Variants in CDC14A observed in about 807,000 individuals in gnomAD.
The protein encoded by CDC14A is dual specificity protein phosphatase CDC14A.
Under a neutral mutation model 74.4 loss-of-function variants are expected in CDC14A, and 53 were observed. The ratio of observed to expected loss-of-function variants is 0.71; its 90% CI spans 0.57 to 0.89. The LOEUF (loss-of-function observed/expected upper bound fraction) is 0.89, where lower values mean the gene tolerates loss of function less well. Among genes scored for constraint, CDC14A ranks in the 40% least tolerant of loss-of-function variants. The pLI, the probability that CDC14A is intolerant of heterozygous loss-of-function variation, is 0.00. For missense variants in CDC14A, 646 were observed against 713.7 expected (o/e 0.91, Z 1.08); for synonymous variants, 247 against 258.4 (o/e 0.96, Z 0.43).
chr1:100,422,400 A>C (rs1414944945), intron 4 of CDC14A, among the ~76,000 whole-genome samples: 1 of 152,220 alleles, frequency 6.6e-6, no homozygotes, highest in Non-Finnish European at 1.5e-5. Flanking sequence ...AGCTTTCTAC[A>C]AGCAGCCCTC....
At chr1:100,384,459 A>G (rs1343298950) in intron 3 of CDC14A, among the ~76,000 whole-genome samples, 1 of 152,184 alleles carries the variant, frequency 6.6e-6, no homozygotes, top group African/African-American at 2.4e-5. Flanking sequence ...AATGCATCCT[A>G]TACAGTTATT....
chr1:100,477,670 G>T (rs1341482984), intron 10 of CDC14A, among the ~76,000 whole-genome samples: 1 of 152,028 alleles, frequency 6.6e-6, no homozygotes, highest in Non-Finnish European at 1.5e-5. Context: ...TGAAGAGTAT[G>T]AAGTCAATGA....
At position 100,439,953 on chromosome 1, in the gene CDC14A, C is replaced by G. The variant is rs143873406; in HGVS notation, c.411C>G (p.Cys137Trp). Reference sequence around the variant, plus strand: ...ATAGGGATGCTTCCTTTGGAAATTGCACTTACAATCTCACCATTCTCGACT... The same window carrying G: ...ATAGGGATGCTTCCTTTGGAAATTGGACTTACAATCTCACCATTCTCGACT... Reference protein sequence around the residue: ...LPFRDASFGNCTYNLTILDCL... With the variant: ...LPFRDASFGNWTYNLTILDCL... Residue 137 changes from cysteine (C) to tryptophan (W), a missense_variant, in exon 6 of 16, where the codon TGC becomes TGG. By Grantham distance (215) the Cys-to-Trp change is radical. Transcript: ENST00000336454. 6.2e-6 allele frequency: 10 copies of G among 1,612,796 alleles called. No homozygotes were observed. The highest frequency in any genetic ancestry group is 1.7e-4 in the Middle Eastern group (1 of 6,020).
At chr1:100,430,088 A>G (rs1450644218) in intron 5 of CDC14A, among the ~76,000 whole-genome samples, 1 of 152,170 alleles carries the variant, frequency 6.6e-6, no homozygotes, top group Non-Finnish European at 1.5e-5. Flanking sequence ...TATCCAGCAG[A>G]ACTCCTGTTC....
intron 12 of CDC14A, among the ~76,000 whole-genome samples, chr1:100,495,291 A>G (rs1209123860): frequency 6.6e-6 from 1 of 152,232 alleles, no homozygotes; most frequent in African/African-American, 2.4e-5. Flanking sequence ...CTCATAGTGT[A>G]TATAAAAGTA....
chr1:100,431,921 C>T (rs1010036254), intron 5 of CDC14A, among the ~76,000 whole-genome samples: 1 of 151,562 alleles, frequency 6.6e-6, no homozygotes, highest in Non-Finnish European at 1.5e-5. Flanking sequence ...GAGTACAGGT[C>T]TTGGTCTGTT....
At chr1:100,368,899 C>T (rs529682777) in intron 2 of CDC14A, among the ~76,000 whole-genome samples, 11 of 152,280 alleles carry the variant, frequency 7.2e-5, no homozygotes, top group Non-Finnish European at 1.2e-4. Flanking sequence ...CAGCTTCATC[C>T]ATGTTGCTGC....
intron 15 of CDC14A, among the ~76,000 whole-genome samples, chr1:100,507,084 A>G (rs556230991): frequency 6.6e-6 from 1 of 152,366 alleles, no homozygotes; most frequent in Admixed American, 6.5e-5. Context: ...GTAAGTGTCT[A>G]GCTTGAGCCT....
chr1:100,460,831 C>T (rs1381369446), intron 8 of CDC14A, among the ~76,000 whole-genome samples: 1 of 152,230 alleles, frequency 6.6e-6, no homozygotes, highest in Non-Finnish European at 1.5e-5. Flanking sequence ...CCTTCCAATT[C>T]TGTCTTCATC....
At chr1:100,449,410 C>T (rs1019893876) in intron 7 of CDC14A, among the ~76,000 whole-genome samples, 1 of 152,206 alleles carries the variant, frequency 6.6e-6, no homozygotes, top group African/African-American at 2.4e-5. Flanking sequence ...CTCCTTACTA[C>T]AGCACAGAAG....
intron 8 of CDC14A, among the ~76,000 whole-genome samples, chr1:100,457,109 TG>T (rs1348751447): frequency 6.6e-6 from 1 of 152,222 alleles, no homozygotes; most frequent in East Asian, 1.9e-4. Flanking sequence ...GTAGTAGTTT[TG>T]TTGTTGGGTA....
chr1:100,383,238 G>A (rs552591567), intron 3 of CDC14A, among the ~76,000 whole-genome samples: 1 of 152,056 alleles, frequency 6.6e-6, no homozygotes, highest in Non-Finnish European at 1.5e-5. Context: ...AGAATCCCAC[G>A]TGCCTTCAAT....
At chr1:100,404,490 T>C (rs1437265096) in intron 4 of CDC14A, among the ~76,000 whole-genome samples, 1 of 152,200 alleles carries the variant, frequency 6.6e-6, no homozygotes, top group Non-Finnish European at 1.5e-5. Flanking sequence ...TGATGAGGAC[T>C]TAAAGCCAGG....
chr1:100,467,637 CT>C, intron 9 of CDC14A, among the ~76,000 whole-genome samples: 1 of 152,246 alleles, frequency 6.6e-6, no homozygotes, highest in South Asian at 2.1e-4. Context: ...GCCACCCTTG[CT>C]TCCCTGCCCC....
At chr1:100,442,256 T>G (rs1665016919) in intron 6 of CDC14A, among the ~76,000 whole-genome samples, 1 of 148,278 alleles carries the variant, frequency 6.7e-6, no homozygotes, top group Non-Finnish European at 1.5e-5. Context: ...TAGGAACAAA[T>G]AAGGGCCTAT....
intron 11 of CDC14A, among the ~76,000 whole-genome samples, chr1:100,493,686 A>G (rs1566213): frequency 0.94 from 142,459 of 152,256 alleles, 67,191 homozygotes; most frequent in Non-Finnish European, 1. Flanking sequence ...ACTTGCACCC[A>G]TTCTTTAAGG....
chr1:100,364,976 T>G (rs1284895742), intron 2 of CDC14A, among the ~76,000 whole-genome samples: 1 of 152,164 alleles, frequency 6.6e-6, no homozygotes, highest in Non-Finnish European at 1.5e-5. Context: ...TTACCTCGGG[T>G]TAAGAAGGTA....
rs557358984 is a variant in CDC14A, at chr1:100,512,195, C to T, written c.1756-6056C>T. Among the ~76,000 whole-genome samples, 34 of 152,216 alleles carry T rather than the reference C, an allele frequency of 2.2e-4. No homozygotes were observed. In the South Asian group the frequency reaches 7.0e-3, roughly 32 times the overall value. ...CGACTCTCCTAGGAGCGCTGACACTCTCATATTATAGTCAGTTATACATGA... is the reference window on the plus strand; with the variant it reads ...CGACTCTCCTAGGAGCGCTGACACTTTCATATTATAGTCAGTTATACATGA... On this transcript the variant is annotated intron_variant, in intron 15 of 15. Transcript: ENST00000336454.
At chr1:100,395,447 G>A (rs570300879) in intron 4 of CDC14A, among the ~76,000 whole-genome samples, 15 of 152,090 alleles carry the variant, frequency 9.9e-5, no homozygotes, top group African/African-American at 1.4e-4. Context: ...TCTTTTGTTC[G>A]CTCATCCCAC....
Sources: allele counts gnomAD v4.1 joint callset (sites outside exome capture counted in the v4.1 genomes callset), GRCh38; gene constraint gnomAD v4.1.1; transcripts MANE v1.5; gene names NCBI Gene and HGNC (gene_info 2026-07-23, HGNC 2026-07-21).